ZFAND5: variants seen among roughly 807,000 people sequenced by gnomAD.
The protein encoded by ZFAND5 is zinc finger AN1-type containing 5.
A neutral mutation model predicts 23.6 loss-of-function variants in ZFAND5; 4 were observed. The ratio of observed to expected loss-of-function variants is 0.17; its 90% confidence interval spans 0.08 to 0.39. The LOEUF is 0.39. Ranked by LOEUF, ZFAND5 falls within the 10% of genes least tolerant of loss-of-function variation. The pLI is 1.00. For missense variants in ZFAND5, 161 were observed against 253.7 expected (o/e 0.63, Z 2.48); for synonymous variants, 68 against 80.6 (o/e 0.84, Z 0.84).
In ZFAND5 at chr9:72,355,799, C is replaced by G. The variant is rs1322701880; in HGVS notation, c.*154G>C. 11 of 732,672 alleles carry G rather than the reference C, an allele frequency of 1.5e-5. No homozygotes were observed. The highest frequency in any genetic ancestry group is 2.3e-5 in the Non-Finnish European group (11 of 475,836). 45.4% of individuals were successfully genotyped at this position (732,672 alleles called of 1,614,324 possible). On this transcript the variant is annotated 3_prime_UTR_variant, in exon 7 of 7. Coordinates refer to ENST00000376962, the MANE Select transcript of ZFAND5 (RefSeq NM_001102420.3). Reference sequence around the variant, plus strand: ...TATCCAATTCTGCCTGTAACAAACACCCAAACATCCTAAAATATCAATTAT... The same window carrying G: ...TATCCAATTCTGCCTGTAACAAACAGCCAAACATCCTAAAATATCAATTAT...
At chr9:72,364,271 C>A (rs1842193528) in intron 1 of ZFAND5, 2 of 509,122 alleles carry the variant, frequency 3.9e-6, no homozygotes, top group Non-Finnish European at 5.7e-6. Context: ...GATCCCCGAC[C>A]CCCGACCCCC....
intron 2 of ZFAND5, among the ~76,000 whole-genome samples, chr9:72,362,558 TGGA>T (rs1842135356): frequency 6.6e-6 from 1 of 152,228 alleles, no homozygotes. Flanking sequence ...TTAGATAAAA[TGGA>T]GGATACTCCA....
At chr9:72,364,495 C>G (rs2131990151) in intron 1 of ZFAND5, 1 of 1,282,090 alleles carries the variant, frequency 7.8e-7, no homozygotes, top group Non-Finnish European at 1.0e-6. Context: ...CGCCGGGAGC[C>G]AGGTCTCGGG....
intron 6 of ZFAND5, among the ~76,000 whole-genome samples, chr9:72,356,360 G>C (rs938963566): frequency 6.6e-6 from 1 of 152,172 alleles, no homozygotes; most frequent in African/African-American, 2.4e-5. Context: ...CCTTGCAAGG[G>C]CAATAGCGAA....
chr9:72,356,870 G>A (rs1253368562), intron 6 of ZFAND5, 61 bp downstream of exon 6: 6 of 1,586,510 alleles, frequency 3.8e-6, no homozygotes, highest in Non-Finnish European at 5.1e-6. Context: ...CTTAGGGAGT[G>A]ACCAAAAGCT....
intron 4 of ZFAND5, 29 bp downstream of exon 4, chr9:72,360,078 TATC>T (rs1842054649): frequency 1.3e-6 from 2 of 1,562,552 alleles, no homozygotes; most frequent in Non-Finnish European, 1.8e-6. Context: ...TTCTTTGTAA[TATC>T]ATAAAAACTC....
rs192556089 is a variant in ZFAND5, at chr9:72,353,869, T to C, written c.*2084A>G. On this transcript the variant is annotated 3_prime_UTR_variant, in exon 7 of 7. Coordinates refer to ENST00000376962, the MANE Select transcript of ZFAND5 (RefSeq NM_001102420.3). ...CAGTATAGGAACTTTGACATACATA[T>C]GTACCTCCCTAACTTGAAGCAAAAG... The C allele has an allele frequency of 8.5e-5, 13 of 152,292 alleles. No homozygotes were observed. In the East Asian group the frequency reaches 2.5e-3, roughly 29 times the overall value. The allele number at this position is 152,292 out of a possible 1,614,324, so 9.4% of individuals were successfully genotyped here.
rs549434998 is a variant in ZFAND5 at position 72,351,930 on chromosome 9, AC to A, written c.*4022del. On this transcript the variant is annotated 3_prime_UTR_variant, in exon 7 of 7. Coordinates refer to ENST00000376962, the MANE Select transcript of ZFAND5 (RefSeq NM_001102420.3). ...TTATTGCTAATCAACCAGCAACCATACCTATCACTCTCCAAAATTATAAGTT... is the reference window on the plus strand; with the variant it reads ...TTATTGCTAATCAACCAGCAACCATACTATCACTCTCCAAAATTATAAGTT... The A allele has an allele frequency of 2.6e-5, 4 of 152,306 alleles. No individual in the cohort carries two copies. Among genetic ancestry groups the A allele is most frequent in the South Asian group, 4.1e-4 (2 of 4,828 alleles). 9.4% of individuals were successfully genotyped at this position (152,306 alleles called of 1,614,324 possible). A position where few individuals can be genotyped will look rare whatever the true frequency, so the allele number is the denominator to read the frequency against.
In ZFAND5 at chr9:72,355,548, T is replaced by C. The variant is rs545123845; in HGVS notation, c.*405A>G. 6.5e-6 allele frequency: 1 copy of C among 153,790 alleles called. No individual in the cohort carries two copies. The highest frequency in any genetic ancestry group is 1.9e-4 in the East Asian group (1 of 5,214). 9.5% of individuals were successfully genotyped at this position (153,790 alleles called of 1,614,324 possible). The stretch of plus-strand genomic sequence containing the variant: ...TAGAAGTAGACTGCCAGTCCTTTTC[T>C]GGTGTACCATTTTAAAAAAATACAG... On this transcript the variant is annotated 3_prime_UTR_variant, in exon 7 of 7. Transcript: ENST00000376962.
chr9:72,359,138 GTT>G (rs1378275154), intron 5 of ZFAND5, among the ~76,000 whole-genome samples: 1 of 152,070 alleles, frequency 6.6e-6, no homozygotes, highest in East Asian at 1.9e-4. Flanking sequence ...ACTTCATCAA[GTT>G]TTTAACACAT....
chr9:72,364,262 A>C, intron 1 of ZFAND5: 1 of 411,320 alleles, frequency 2.4e-6, no homozygotes, highest in Non-Finnish European at 3.8e-6. Flanking sequence ...CCCCACGCGG[A>C]TCCCCGACCC....
Position 72,355,699 on chromosome 9 carries a change from T to C in ZFAND5, c.*254A>G, listed in dbSNP as rs1357881332. 6.6e-6 allele frequency: 2 copies of C among 303,886 alleles called. No individual in the cohort carries two copies. The highest frequency in any genetic ancestry group is 1.2e-5 in the Non-Finnish European group (2 of 164,818). The allele number at this position is 303,886 out of a possible 1,614,324, so 18.8% of individuals were successfully genotyped here. ...AACTACATTTTGTTCCTATTATCTG[T>C]GTGTTTCACTTTGCTGTGCAGATTT... On this transcript the variant is annotated 3_prime_UTR_variant, in exon 7 of 7. Transcript: ENST00000376962.
At chr9:72,359,347 A>T (rs1207361595) in intron 5 of ZFAND5, 71 bp downstream of exon 5, 2 of 1,486,186 alleles carry the variant, frequency 1.3e-6, no homozygotes, top group Non-Finnish European at 1.8e-6. Context: ...TGGGAAGGAA[A>T]GAATCCCCCC....
In ZFAND5 at chr9:72,355,752, T is replaced by C. The variant is rs973484415; in HGVS notation, c.*201A>G. On this transcript the variant is annotated 3_prime_UTR_variant, in exon 7 of 7. Transcript: ENST00000376962. ...ATCCAATTTTTTTCAGGGGAGGGCA[T>C]ATACATTTGTAGGGCTGTATCTATC... The C allele has an allele frequency of 5.0e-5, 21 of 423,412 alleles. No individual in the cohort carries two copies. The highest frequency in any genetic ancestry group is 4.1e-4 in the African/African-American group (20 of 48,918). The allele number at this position is 423,412 out of a possible 1,614,324, so 26.2% of individuals were successfully genotyped here.
At chr9:72,362,894 G>T (rs1001071365) in intron 2 of ZFAND5, among the ~76,000 whole-genome samples, 2 of 152,254 alleles carry the variant, frequency 1.3e-5, no homozygotes, top group South Asian at 2.1e-4. Flanking sequence ...GTCAACAGGG[G>T]CCTCTGAAAT....
At chr9:72,364,195 C>A in intron 1 of ZFAND5, 1 of 245,974 alleles carries the variant, frequency 4.1e-6, no homozygotes, top group South Asian at 3.8e-5. Context: ...TCTCCGAAAA[C>A]CACTGAGTCA....
intron 2 of ZFAND5, among the ~76,000 whole-genome samples, chr9:72,361,437 C>T (rs1222075085): frequency 6.6e-6 from 1 of 152,162 alleles, no homozygotes; most frequent in African/African-American, 2.4e-5. Context: ...TTACGTTCTC[C>T]ATTTGAAGTT....
intron 5 of ZFAND5, among the ~76,000 whole-genome samples, chr9:72,357,978 C>T (rs1841992374): frequency 6.6e-6 from 1 of 152,028 alleles, no homozygotes; most frequent in African/African-American, 2.4e-5. Context: ...TCAACTACAC[C>T]TGAAACACTA....
At chr9:72,358,626 C>G (rs1283494766) in intron 5 of ZFAND5, among the ~76,000 whole-genome samples, 1 of 152,086 alleles carries the variant, frequency 6.6e-6, no homozygotes, top group African/African-American at 2.4e-5. Context: ...ACCTGCCAAA[C>G]TTGAGAATTT....
Sources: gnomAD v4.1 joint callset for allele counts (sites outside exome capture counted in the v4.1 genomes callset) on GRCh38, gnomAD v4.1.1 for gene constraint, MANE v1.5 for transcripts, NCBI Gene and HGNC (gene_info 2026-07-23, HGNC 2026-07-21) for gene names.